The following GRB2 variants were observed in gnomAD, a reference collection of about 807,000 sequenced individuals.
GRB2 encodes the protein growth factor receptor bound protein 2.
GRB2 carries 2 observed loss-of-function variants against 27.4 expected under a neutral mutation model. That is an observed-to-expected ratio of 0.07 (90% CI 0.03 to 0.23). The LOEUF (loss-of-function observed/expected upper bound fraction) is 0.23. Among genes scored for constraint, GRB2 ranks in the 10% least tolerant of loss-of-function variants. GRB2 has a pLI of 1.00. For missense variants in GRB2, 102 were observed against 282.4 expected (o/e 0.36, Z 4.58); for synonymous variants, 94 against 99.6 (o/e 0.94, Z 0.33).
chr17:75,336,886 C>A (rs1486459952), intron 2 of GRB2, among the ~76,000 whole-genome samples: 1 of 151,994 alleles, frequency 6.6e-6, no homozygotes, highest in South Asian at 2.1e-4. Flanking sequence ...TACAGGCATG[C>A]GCCACTATAC....
intron 2 of GRB2, among the ~76,000 whole-genome samples, chr17:75,337,966 T>C (rs2078592494): frequency 6.7e-6 from 1 of 149,674 alleles, no homozygotes; most frequent in African/African-American, 2.5e-5. Flanking sequence ...AGTCTCACTC[T>C]GTTGCCCAGG....
At chr17:75,387,959 G>C (rs759839674) in intron 2 of GRB2, among the ~76,000 whole-genome samples, 1 of 152,090 alleles carries the variant, frequency 6.6e-6, no homozygotes, top group Non-Finnish European at 1.5e-5. Flanking sequence ...CTCCCAAAAA[G>C]AATCTTTTAT....
intron 2 of GRB2, among the ~76,000 whole-genome samples, chr17:75,344,798 C>G (rs1342158432): frequency 6.6e-6 from 1 of 152,084 alleles, no homozygotes; most frequent in Non-Finnish European, 1.5e-5. Context: ...AAATCCTACA[C>G]TCCTCTCTTC....
intron 1 of GRB2, among the ~76,000 whole-genome samples, chr17:75,399,120 T>G (rs1214678860): frequency 6.6e-6 from 1 of 151,998 alleles, no homozygotes; most frequent in Admixed American, 6.6e-5. Flanking sequence ...CAATCATGGT[T>G]CACTTCAGCC....
intron 1 of GRB2, among the ~76,000 whole-genome samples, chr17:75,403,753 G>A (rs1250450690): frequency 2.7e-5 from 4 of 149,748 alleles, no homozygotes; most frequent in African/African-American, 9.9e-5. Context: ...GACAGAGCGA[G>A]ACTCCGTCTC....
intron 1 of GRB2, among the ~76,000 whole-genome samples, chr17:75,402,780 AAAT>A (rs1445433848): frequency 6.6e-6 from 1 of 152,192 alleles, no homozygotes; most frequent in Admixed American, 6.6e-5. Flanking sequence ...CATGAAATGA[AAAT>A]AATGCATATT....
At chr17:75,354,863 T>C (rs1302602221) in intron 2 of GRB2, among the ~76,000 whole-genome samples, 11 of 152,172 alleles carry the variant, frequency 7.2e-5, no homozygotes. Context: ...AACCCAGCCA[T>C]AGTGAATAAA....
intron 2 of GRB2, among the ~76,000 whole-genome samples, chr17:75,358,147 G>C (rs1469402781): frequency 6.6e-6 from 1 of 152,098 alleles, no homozygotes; most frequent in Non-Finnish European, 1.5e-5. Context: ...CTCTGGAATT[G>C]ATTTTTTTAA....
intron 1 of GRB2, among the ~76,000 whole-genome samples, chr17:75,397,796 G>C (rs527966184): frequency 6.7e-6 from 1 of 150,204 alleles, no homozygotes; most frequent in Non-Finnish European, 1.5e-5. Flanking sequence ...GATAGAGCCC[G>C]ACATGTAATA....
intron 2 of GRB2, among the ~76,000 whole-genome samples, chr17:75,341,174 G>A (rs2078618226): frequency 6.6e-6 from 1 of 152,140 alleles, no homozygotes; most frequent in African/African-American, 2.4e-5. Flanking sequence ...CCTCACGCCT[G>A]TAATCCCAGC....
At chr17:75,375,955 G>A (rs1445364218) in intron 2 of GRB2, among the ~76,000 whole-genome samples, 2 of 149,032 alleles carry the variant, frequency 1.3e-5, no homozygotes, top group Non-Finnish European at 3.0e-5. Flanking sequence ...AACCCAGGAG[G>A]CAGAGGTTGC....
At chr17:75,343,819 C>T (rs1037583547) in intron 2 of GRB2, among the ~76,000 whole-genome samples, 16 of 151,872 alleles carry the variant, frequency 1.1e-4, no homozygotes, top group African/African-American at 2.7e-4. Context: ...TTCAACTGCA[C>T]GAGCAGGGAG....
intron 2 of GRB2, among the ~76,000 whole-genome samples, chr17:75,355,950 C>A (rs773916871): frequency 1.3e-5 from 2 of 151,638 alleles, no homozygotes; most frequent in African/African-American, 2.4e-5. Context: ...CCTGTCTCAG[C>A]CTCTCGAGTA....
intron 2 of GRB2, among the ~76,000 whole-genome samples, chr17:75,376,637 C>T (rs1271780467): frequency 1.3e-5 from 2 of 151,968 alleles, no homozygotes; most frequent in African/African-American, 2.4e-5. Flanking sequence ...CATATTGTAC[C>T]ATCCAATGAA....
chr17:75,384,679 CAT>C (rs2078950810), intron 2 of GRB2, among the ~76,000 whole-genome samples: 1 of 151,850 alleles, frequency 6.6e-6, no homozygotes, highest in Non-Finnish European at 1.5e-5. Flanking sequence ...AATAACATAA[CAT>C]AACATAAAAT....
rs2078428275 is a variant in GRB2 at position 75,318,122 on chromosome 17, C to A, written c.*2246G>T. 6.6e-6 allele frequency: 1 copy of A among 152,574 alleles called. No homozygotes were observed. Among genetic ancestry groups the A allele is most frequent in the African/African-American group, 2.4e-5 (1 of 41,416 alleles). 9.5% of individuals were successfully genotyped at this position (152,574 alleles called of 1,614,324 possible). A position where few individuals can be genotyped will look rare whatever the true frequency, so the allele number is the denominator to read the frequency against. On this transcript the variant is annotated 3_prime_UTR_variant, in exon 6 of 6. Transcript: ENST00000316804. Reference sequence around the variant, plus strand: ...ATTATTCACAGTTAATCACTACCTACCAAATGCTATCCGCAGAGTTAAAGG... The same window carrying A: ...ATTATTCACAGTTAATCACTACCTAACAAATGCTATCCGCAGAGTTAAAGG...
chr17:75,324,533 T>G (rs1487056769), intron 4 of GRB2, among the ~76,000 whole-genome samples: 3 of 103,104 alleles, frequency 2.9e-5, no homozygotes, highest in African/African-American at 9.5e-5. Flanking sequence ...TTTTTTTTTT[T>G]TTGGAGACAG....
At chr17:75,376,508 G>A (rs1462094714) in intron 2 of GRB2, among the ~76,000 whole-genome samples, 2 of 135,444 alleles carry the variant, frequency 1.5e-5, no homozygotes, top group Non-Finnish European at 3.2e-5. Context: ...GCAACAGAGG[G>A]AGACTCTGTT....
At chr17:75,387,294 T>C (rs538542258) in intron 2 of GRB2, among the ~76,000 whole-genome samples, 2 of 151,262 alleles carry the variant, frequency 1.3e-5, no homozygotes, top group Non-Finnish European at 2.9e-5. Flanking sequence ...TCACCTCTAC[T>C]AAAAGTACAA....
Sources: allele counts gnomAD v4.1 joint callset (sites outside exome capture counted in the v4.1 genomes callset), GRCh38; gene constraint gnomAD v4.1.1; transcripts MANE v1.5; gene names NCBI Gene and HGNC (gene_info 2026-07-23, HGNC 2026-07-21).